The following TRPM3 variants were observed in gnomAD, a reference collection of about 807,000 sequenced individuals.
TRPM3 encodes transient receptor potential cation channel subfamily M member 3.
TRPM3 carries 77 observed loss-of-function variants against 181.2 expected under a neutral mutation model. That is an observed-to-expected ratio of 0.42 (90% CI 0.35 to 0.51). TRPM3 has a LOEUF of 0.51. Ranked by LOEUF, TRPM3 falls within the 20% of genes least tolerant of loss-of-function variation. The pLI is 0.01. For missense variants in TRPM3, 1,759 were observed against 2,196.7 expected (o/e 0.80, Z 3.98); for synonymous variants, 745 against 796.4 (o/e 0.94, Z 1.09).
intron 1 of TRPM3, among the ~76,000 whole-genome samples, chr9:71,364,022 T>C (rs1166093323): frequency 6.6e-6 from 1 of 152,196 alleles, no homozygotes; most frequent in African/African-American, 2.4e-5. Flanking sequence ...TTTTGAAAGC[T>C]ATTTATTAAT....
At chr9:71,261,226 T>A (rs1019736139) in intron 1 of TRPM3, among the ~76,000 whole-genome samples, 8 of 152,218 alleles carry the variant, frequency 5.3e-5, no homozygotes, top group African/African-American at 1.9e-4. Flanking sequence ...ATCTCTAATC[T>A]TGTCTTCACA....
intron 20 of TRPM3, among the ~76,000 whole-genome samples, chr9:70,602,490 G>A (rs975446500): frequency 4.6e-5 from 7 of 152,124 alleles, no homozygotes; most frequent in Non-Finnish European, 7.4e-5. Context: ...GGACTTGAAC[G>A]GGAGCATTTC....
At chr9:70,979,138 C>T (rs970332095) in intron 1 of TRPM3, among the ~76,000 whole-genome samples, 4 of 152,156 alleles carry the variant, frequency 2.6e-5, no homozygotes, top group Non-Finnish European at 5.9e-5. Context: ...ACAAAGTCCC[C>T]GTTGGGCTAA....
intron 1 of TRPM3, among the ~76,000 whole-genome samples, chr9:71,077,723 CAGAG>C (rs561597247): frequency 3.3e-5 from 5 of 151,982 alleles, no homozygotes; most frequent in African/African-American, 1.2e-4. Context: ...ACCGTGAAGA[CAGAG>C]AGAGAGGCAT....
At chr9:71,202,969 A>C (rs140311176) in intron 1 of TRPM3, among the ~76,000 whole-genome samples, 2 of 152,350 alleles carry the variant, frequency 1.3e-5, no homozygotes, top group East Asian at 3.9e-4. Flanking sequence ...GCAAAAGAGA[A>C]GTCCCCAAAT....
chr9:71,202,361 G>T (rs2078859837), intron 1 of TRPM3, among the ~76,000 whole-genome samples: 1 of 152,178 alleles, frequency 6.6e-6, no homozygotes, highest in Admixed American at 6.5e-5. Flanking sequence ...TCTCTTCAAA[G>T]ATGTCAGACA....
At chr9:71,186,525 G>C (rs1328690831) in intron 1 of TRPM3, among the ~76,000 whole-genome samples, 1 of 151,938 alleles carries the variant, frequency 6.6e-6, no homozygotes, top group Non-Finnish European at 1.5e-5. Flanking sequence ...AGGGCATTTA[G>C]TTTGTGAATT....
At chr9:70,609,668 G>C (rs2132984578) in intron 19 of TRPM3, among the ~76,000 whole-genome samples, 1 of 152,352 alleles carries the variant, frequency 6.6e-6, no homozygotes. Flanking sequence ...CACTGAAGTA[G>C]AGAAACCCAG....
chr9:70,882,925 A>G (rs372808406), intron 1 of TRPM3, among the ~76,000 whole-genome samples: 108 of 152,320 alleles, frequency 7.1e-4, no homozygotes, highest in Middle Eastern at 3.4e-3. Context: ...CCTTTATTTT[A>G]CTGAGTGGTG....
intron 1 of TRPM3, among the ~76,000 whole-genome samples, chr9:71,070,477 A>G (rs1201473994): frequency 6.6e-6 from 1 of 152,188 alleles, no homozygotes; most frequent in Admixed American, 6.5e-5. Flanking sequence ...TGTTCTCTAA[A>G]TTCTCTTGGG....
chr9:71,375,460 A>G (rs751146733), intron 1 of TRPM3, among the ~76,000 whole-genome samples: 3 of 152,202 alleles, frequency 2.0e-5, no homozygotes, highest in Admixed American at 6.5e-5. Context: ...GGACATAGGC[A>G]TGGGCAAAGA....
intron 1 of TRPM3, among the ~76,000 whole-genome samples, chr9:71,234,010 A>G (rs1413632895): frequency 6.6e-6 from 1 of 152,206 alleles, no homozygotes; most frequent in African/African-American, 2.4e-5. Flanking sequence ...TACATTTATT[A>G]TTTAACAATC....
chr9:70,897,450 G>A (rs551532757), intron 1 of TRPM3, among the ~76,000 whole-genome samples: 9 of 151,702 alleles, frequency 5.9e-5, no homozygotes, highest in African/African-American at 1.9e-4. Context: ...TTCGGTAACT[G>A]TGAAAACTGA....
chr9:71,127,628 A>G (rs573756387), intron 1 of TRPM3, among the ~76,000 whole-genome samples: 12 of 152,346 alleles, frequency 7.9e-5, no homozygotes, highest in Admixed American at 7.8e-4. Flanking sequence ...TGAAGGTTAA[A>G]GCAATTAGCA....
chr9:71,411,075 T>A (rs141468738), intron 1 of TRPM3, among the ~76,000 whole-genome samples: 3 of 152,198 alleles, frequency 2.0e-5, no homozygotes, highest in South Asian at 2.1e-4. Flanking sequence ...AAAACTCTCA[T>A]TAAACTAGGT....
At chr9:70,818,137 T>C (rs760201834) in intron 6 of TRPM3, among the ~76,000 whole-genome samples, 1 of 152,158 alleles carries the variant, frequency 6.6e-6, no homozygotes, top group African/African-American at 2.4e-5. Context: ...ATTGTCTTCA[T>C]CATTTAACAA....
At chr9:71,020,395 T>G (rs1039018473) in intron 1 of TRPM3, among the ~76,000 whole-genome samples, 4 of 151,930 alleles carry the variant, frequency 2.6e-5, no homozygotes, top group Admixed American at 6.6e-5. Flanking sequence ...AGAAGATCAC[T>G]TGAGCCCAGG....
In TRPM3 at chr9:70,852,102, G is replaced by T. The variant is rs560736015; in HGVS notation, c.463-5511C>A. On this transcript the variant is annotated intron_variant, in intron 3 of 25. Coordinates refer to ENST00000677713, the MANE Select transcript of TRPM3 (RefSeq NM_001366145.2). ...CCACTGCACCACTGCACTCCAGCCCGGGCGACAAGAGCAAGACTCTATCTC... is the reference window on the plus strand; with the variant it reads ...CCACTGCACCACTGCACTCCAGCCCTGGCGACAAGAGCAAGACTCTATCTC... Among the ~76,000 whole-genome samples the T allele has an allele frequency of 7.0e-5, 9 of 128,404 alleles. No individual in the cohort carries two copies. The East Asian group carries it at 1.6e-3, about 23-fold the overall frequency. The allele number at this position is 128,404 out of a possible 152,430, so 84.2% of individuals were successfully genotyped here. A position where few individuals can be genotyped will look rare whatever the true frequency, so the allele number is the denominator to read the frequency against.
intron 1 of TRPM3, among the ~76,000 whole-genome samples, chr9:71,317,201 G>A (rs955520267): frequency 6.6e-6 from 1 of 152,178 alleles, no homozygotes; most frequent in African/African-American, 2.4e-5. Context: ...CTTAAAAAGA[G>A]AGCTGAATCT....
Sources: allele counts gnomAD v4.1 joint callset (sites outside exome capture counted in the v4.1 genomes callset), GRCh38; gene constraint gnomAD v4.1.1; transcripts MANE v1.5; gene names NCBI Gene and HGNC (gene_info 2026-07-23, HGNC 2026-07-21).